Variants in SLC30A3 observed in about 807,000 individuals in gnomAD.
SLC30A3 encodes probable proton-coupled zinc antiporter SLC30A3.
SLC30A3 carries 20 observed loss-of-function variants against 35.6 expected under a neutral mutation model. The ratio of observed to expected loss-of-function variants is 0.56; its 90% CI spans 0.39 to 0.82. The LOEUF (loss-of-function observed/expected upper bound fraction) is 0.82, where lower values mean the gene tolerates loss of function less well. Ranked by LOEUF, SLC30A3 falls within the 40% of genes least tolerant of loss-of-function variation. The pLI, the probability that SLC30A3 is intolerant of heterozygous loss-of-function variation, is 0.00. For synonymous variants in SLC30A3, 217 were observed against 224.7 expected (o/e 0.97, Z 0.31); for missense variants, 401 against 530.6 (o/e 0.76, Z 2.40).
At chr2:27,267,179 A>G (rs1054618664), upstream of SLC30A3, among the ~76,000 whole-genome samples, 9 of 152,058 alleles carry the variant, frequency 5.9e-5, no homozygotes, top group Admixed American at 3.9e-4. Context: ...TTTTCACTCT[A>G]CATCCAAGCT....
In SLC30A3 at chr2:27,257,495, TG is replaced by T; in HGVS notation, c.579-144del. 1 of 780,168 alleles carries T rather than the reference TG, an allele frequency of 1.3e-6. No homozygotes were observed. The highest frequency in any genetic ancestry group is 2.1e-6 in the Non-Finnish European group (1 of 473,582). 48.3% of individuals were successfully genotyped at this position (780,168 alleles called of 1,614,324 possible). On this transcript the variant is annotated intron_variant, in intron 4 of 7. Transcript: ENST00000233535. This position sits in a 1 kb window ranked among gnomAD's most constrained non-coding sequence, Gnocchi z 4.7. Reference sequence around the variant, plus strand: ...TGCAAGAGAGATAAACAATGCAGCCTGGGGGAAAGAATACCAGACTTGGTGC... The same window carrying T: ...TGCAAGAGAGATAAACAATGCAGCCTGGGGAAAGAATACCAGACTTGGTGC...
Position 27,262,686 on chromosome 2 carries a change from AGCGGAGCGAGG to A in SLC30A3, c.95+115_95+125del. On this transcript the variant is annotated intron_variant, in intron 1 of 7. Transcript: ENST00000233535. The surrounding 1 kb of genome is among the most constrained non-coding windows in gnomAD (Gnocchi z 7.5). ...GGCCAGAGGGGATGAAGCGGGGTGCAGCGGAGCGAGGGACCCGCGGTGCGCTGGGGCGGCCG... is the reference window on the plus strand; with the variant it reads ...GGCCAGAGGGGATGAAGCGGGGTGCAGACCCGCGGTGCGCTGGGGCGGCCG... The A allele has an allele frequency of 1.1e-6, 1 of 912,752 alleles. No individual in the cohort carries two copies. Among genetic ancestry groups the A allele is most frequent in the South Asian group, 2.0e-5 (1 of 49,234 alleles). The allele number at this position is 912,752 out of a possible 1,614,324, so 56.5% of individuals were successfully genotyped here.
chr2:27,260,943 G>T (rs1677150103), intron 1 of SLC30A3, among the ~76,000 whole-genome samples: 1 of 152,180 alleles, frequency 6.6e-6, no homozygotes, highest in African/African-American at 2.4e-5. Context: ...AGCCTGGTCT[G>T]GTGGGAAAGA....
Position 27,255,461 on chromosome 2 carries a change from CTG to C in SLC30A3, c.1019-3_1019-2del. The C allele has an allele frequency of 6.2e-7, 1 of 1,612,806 alleles. No individual in the cohort carries two copies. The highest frequency in any genetic ancestry group is 8.5e-7 in the Non-Finnish European group (1 of 1,179,674). On this transcript the variant is annotated splice_acceptor_variant and splice_polypyrimidine_tract_variant and intron_variant, in intron 7 of 7. Transcript: ENST00000233535. LOFTEE classifies it high-confidence loss of function. This position sits in a 1 kb window ranked among gnomAD's most constrained non-coding sequence, Gnocchi z 5.2. Reference sequence around the variant, plus strand: ...ACGGCTTCAGGGTCAGCGGTGGAGTCTGTGGGAGAGTGATAAGAGGCGGCATC... The same window carrying C: ...ACGGCTTCAGGGTCAGCGGTGGAGTCTGGGAGAGTGATAAGAGGCGGCATC...
At chr2:27,256,209 T>C (rs944696061) in intron 7 of SLC30A3, 177 bp downstream of exon 7, 3 of 714,640 alleles carry the variant, frequency 4.2e-6, no homozygotes, top group African/African-American at 1.8e-5. Context: ...GTCTCCAACA[T>C]GCACGAGCGC....
chr2:27,258,480 T>C lies in SLC30A3; in HGVS notation c.278-173A>G. On this transcript the variant is annotated intron_variant, in intron 2 of 7. Transcript: ENST00000233535. The surrounding 1 kb of genome is among the most constrained non-coding windows in gnomAD (Gnocchi z 4.0). ...TTATGTTATTTTTTTCATTCATCTG[T>C]ATTTTATTTTCTACAATGATTTATT... 1 of 681,680 alleles carries C rather than the reference T, an allele frequency of 1.5e-6. No homozygotes were observed. Among genetic ancestry groups the C allele is most frequent in the East Asian group, 2.8e-5 (1 of 35,130 alleles). 42.2% of individuals were successfully genotyped at this position (681,680 alleles called of 1,614,324 possible). A position where few individuals can be genotyped will look rare whatever the true frequency, so the allele number is the denominator to read the frequency against.
upstream of SLC30A3, among the ~76,000 whole-genome samples, chr2:27,267,400 C>G (rs79994333): frequency 1.0e-3 from 157 of 152,258 alleles, 3 homozygotes; most frequent in East Asian, 0.023. Flanking sequence ...TGCAAGGGGT[C>G]CTACGGAATT....
chr2:27,262,782 G>A lies in SLC30A3; in HGVS notation c.95+30C>T, dbSNP rs1439937813. On this transcript the variant is annotated intron_variant, in intron 1 of 7. Transcript: ENST00000233535. The surrounding 1 kb of genome is among the most constrained non-coding windows in gnomAD (Gnocchi z 7.5). ...CGGAGGGTAGTAGGGTGGCGCCCCC[G>A]GGCCGAGGGCCAGCCCAGGTCTGTC... The A allele has an allele frequency of 1.3e-6, 2 of 1,508,604 alleles. No homozygotes were observed. Among genetic ancestry groups the A allele is most frequent in the South Asian group, 1.3e-5 (1 of 78,142 alleles). 93.5% of individuals were successfully genotyped at this position (1,508,604 alleles called of 1,614,324 possible).
At position 27,257,762 on chromosome 2, in the gene SLC30A3, T is replaced by G. The variant is rs1676948072; in HGVS notation, c.578+143A>C. The G allele has an allele frequency of 7.1e-6, 6 of 841,964 alleles. No homozygotes were observed. 52.2% of individuals were successfully genotyped at this position (841,964 alleles called of 1,614,324 possible). On this transcript the variant is annotated intron_variant, in intron 4 of 7. Transcript: ENST00000233535. The surrounding 1 kb of genome is among the most constrained non-coding windows in gnomAD (Gnocchi z 4.7). ...TTTAGGTCTCTATCCCAGACCCTTC[T>G]CAGGCACACGCAGGGCAGCCCATGG... is the stretch of plus-strand genomic sequence containing the variant.
chr2:27,267,043 C>T (rs1355384637), upstream of SLC30A3, among the ~76,000 whole-genome samples: 1 of 152,142 alleles, frequency 6.6e-6, no homozygotes, highest in East Asian at 1.9e-4. Context: ...AAGTCTAAAA[C>T]TGAGCCCCTG....
At chr2:27,268,051 T>C (rs919897842) in intron 1 of SLC30A3, among the ~76,000 whole-genome samples, 8 of 152,204 alleles carry the variant, frequency 5.3e-5, no homozygotes, top group Non-Finnish European at 8.8e-5. Context: ...ACATACTGCA[T>C]ATTTTACTCA....
Position 27,256,823 on chromosome 2 carries a change from G to A in SLC30A3, c.848C>T (p.Pro283Leu). Reference protein sequence around the residue: ...FSICALGSTAPTLRDVLRILM... With the variant: ...FSICALGSTALTLRDVLRILM... ...GATTCGAAGAACGTCTCGGAGGGTGGGAGCGGTGGATCCAAGGGCACAGAT... is the reference window on the plus strand; with the variant it reads ...GATTCGAAGAACGTCTCGGAGGGTGAGAGCGGTGGATCCAAGGGCACAGAT... Residue 283 changes from proline (P) to leucine (L), a missense_variant, in exon 6 of 8, where the codon CCC becomes CTC. Coordinates refer to ENST00000233535, the MANE Select transcript of SLC30A3 (RefSeq NM_003459.5). 1 of 1,606,826 alleles carries A rather than the reference G, an allele frequency of 6.2e-7. No homozygotes were observed. Among genetic ancestry groups the A allele is most frequent in the Non-Finnish European group, 8.5e-7 (1 of 1,178,284 alleles).
upstream of SLC30A3, chr2:27,275,440 C>G: frequency 2.8e-6 from 1 of 356,436 alleles, no homozygotes; most frequent in Non-Finnish European, 5.5e-6. Flanking sequence ...CCTGCCCAGA[C>G]CCTCAGCGTC....
chr2:27,261,943 G>A (rs1467779756), intron 1 of SLC30A3: 1 of 152,482 alleles, frequency 6.6e-6, no homozygotes, highest in Non-Finnish European at 1.5e-5. Context: ...AAGGGACTAG[G>A]AGAGAAACAG....
Position 27,262,195 on chromosome 2 carries a change from C to A in SLC30A3, c.95+617G>T, listed in dbSNP as rs1400724505. 1 of 152,086 alleles carries A rather than the reference C, an allele frequency of 6.6e-6. No individual in the cohort carries two copies. Among genetic ancestry groups the A allele is most frequent in the Non-Finnish European group, 1.5e-5 (1 of 68,026 alleles). 9.4% of individuals were successfully genotyped at this position (152,086 alleles called of 1,614,324 possible). A position where few individuals can be genotyped will look rare whatever the true frequency, so the allele number is the denominator to read the frequency against. On this transcript the variant is annotated intron_variant, in intron 1 of 7. Coordinates refer to ENST00000233535, the MANE Select transcript of SLC30A3 (RefSeq NM_003459.5). The surrounding 1 kb of genome is among the most constrained non-coding windows in gnomAD (Gnocchi z 7.5). ...TCCGCGCGCCTCATTTCACACCTCG[C>A]CGCCCCCGGCCCCGTCTGTGCGGAG...
At chr2:27,274,898 C>T (rs1250362501) in intron 1 of SLC30A3, among the ~76,000 whole-genome samples, 1 of 152,132 alleles carries the variant, frequency 6.6e-6, no homozygotes, top group Non-Finnish European at 1.5e-5. Flanking sequence ...GTTTTTGAAG[C>T]ACGGTAGTGA....
chr2:27,265,535 A>T (rs1677462068), upstream of SLC30A3, among the ~76,000 whole-genome samples: 1 of 152,188 alleles, frequency 6.6e-6, no homozygotes, highest in Non-Finnish European at 1.5e-5. This position sits in a 1 kb window ranked among gnomAD's most constrained non-coding sequence, Gnocchi z 5.9. Context: ...AAATGTAAGC[A>T]TGTGGACAAG....
chr2:27,264,054 A>G, upstream of SLC30A3: 5 of 1,288,592 alleles, frequency 3.9e-6, no homozygotes, highest in Non-Finnish European at 5.1e-6. The surrounding 1 kb of genome is among the most constrained non-coding windows in gnomAD (Gnocchi z 6.1). Context: ...TCAAATGCTC[A>G]ATGTTCTCTC....
Position 27,258,400 on chromosome 2 carries a change from A to C in SLC30A3, c.278-93T>G. The stretch of plus-strand genomic sequence containing the variant: ...AAATAAATTGGGGGATATACACCAA[A>C]AATGTGATTTGGGGTTTTCTCAGGT... On this transcript the variant is annotated intron_variant, in intron 2 of 7. Coordinates refer to ENST00000233535, the MANE Select transcript of SLC30A3 (RefSeq NM_003459.5). The surrounding 1 kb of genome is among the most constrained non-coding windows in gnomAD (Gnocchi z 4.0). 7.6e-7 allele frequency: 1 copy of C among 1,315,668 alleles called. No homozygotes were observed. The highest frequency in any genetic ancestry group is 1.5e-5 in the African/African-American group (1 of 67,614). 81.5% of individuals were successfully genotyped at this position (1,315,668 alleles called of 1,614,324 possible).
Sources: gnomAD v4.1 joint callset for allele counts (sites outside exome capture counted in the v4.1 genomes callset) on GRCh38, gnomAD v4.1.1 for gene constraint, Gnocchi (gnomAD v3.1) non-coding constraint, MANE v1.5 for transcripts, NCBI Gene and HGNC (gene_info 2026-07-23, HGNC 2026-07-21) for gene names.